The following NTRK3 variants were observed in gnomAD, a reference collection of about 807,000 sequenced individuals.
The protein encoded by NTRK3 is neurotrophic receptor tyrosine kinase 3.
A neutral mutation model predicts 91.7 loss-of-function variants in NTRK3; 24 were observed. That is an observed-to-expected ratio of 0.26 (90% CI 0.19 to 0.37). The LOEUF (loss-of-function observed/expected upper bound fraction) is 0.37, where lower values mean the gene tolerates loss of function less well. NTRK3 is among the 10% of genes least tolerant of loss of function. NTRK3 has a pLI of 1.00. For missense variants in NTRK3, 880 were observed against 1,068.9 expected (o/e 0.82, Z 2.46); for synonymous variants, 483 against 404.0 (o/e 1.20, Z -2.34).
At chr15:88,186,951 CT>C (rs1191866619) in intron 3 of NTRK3, among the ~76,000 whole-genome samples, 1 of 152,144 alleles carries the variant, frequency 6.6e-6, no homozygotes, top group Non-Finnish European at 1.5e-5. Context: ...GTTTTCTCAT[CT>C]ATTAAATGGG....
chr15:87,908,924 C>G (rs983354842), intron 17 of NTRK3, among the ~76,000 whole-genome samples: 9 of 152,026 alleles, frequency 5.9e-5, no homozygotes, highest in African/African-American at 2.2e-4. Context: ...TGGTTCTACT[C>G]CCAGCAGGAG....
intron 13 of NTRK3, among the ~76,000 whole-genome samples, chr15:88,059,087 T>C (rs965909693): frequency 7.3e-5 from 11 of 151,538 alleles, no homozygotes; most frequent in African/African-American, 2.4e-4. Flanking sequence ...CACAGCCCTC[T>C]GGCTACAGCC....
intron 14 of NTRK3, among the ~76,000 whole-genome samples, chr15:87,959,025 C>T (rs932245632): frequency 7.1e-6 from 1 of 140,370 alleles, no homozygotes; most frequent in African/African-American, 2.6e-5. Flanking sequence ...CTCCACTCTA[C>T]CCAATGCCCT....
chr15:88,111,582 C>T (rs931512156), intron 13 of NTRK3, among the ~76,000 whole-genome samples: 1 of 152,066 alleles, frequency 6.6e-6, no homozygotes, highest in African/African-American at 2.4e-5. Context: ...TCTGCAGGTC[C>T]CTGGGATGGG....
exon 19 of NTRK3, chr15:87,860,357 G>C (rs2064491681): frequency 4.6e-6 from 1 of 218,748 alleles, no homozygotes; most frequent in African/African-American, 2.3e-5. Flanking sequence ...TTTCTTTTGA[G>C]GTTGGGGAGA....
At chr15:88,094,330 G>A (rs1039006932) in intron 13 of NTRK3, among the ~76,000 whole-genome samples, 11 of 151,760 alleles carry the variant, frequency 7.2e-5, no homozygotes, top group South Asian at 2.1e-4. Flanking sequence ...TTAGCCGGGC[G>A]CGGTGGCGGG....
At chr15:88,146,879 G>A (rs74508990) in intron 6 of NTRK3, among the ~76,000 whole-genome samples, 1,915 of 152,218 alleles carry the variant, frequency 0.013, 27 homozygotes, top group African/African-American at 0.044. Context: ...TGAGTCTCAC[G>A]TGTCTTTCTA....
At chr15:88,161,396 G>A (rs753257677) in intron 5 of NTRK3, among the ~76,000 whole-genome samples, 8 of 152,140 alleles carry the variant, frequency 5.3e-5, no homozygotes, top group South Asian at 2.1e-4. Context: ...GAGGGGCTAC[G>A]TTACTAGGGC....
At chr15:87,888,634 G>T (rs1280650076) in intron 17 of NTRK3, among the ~76,000 whole-genome samples, 1 of 152,144 alleles carries the variant, frequency 6.6e-6, no homozygotes, top group African/African-American at 2.4e-5. Context: ...TTACTAATTT[G>T]CTTCACACGT....
In NTRK3 at chr15:88,059,556, ACT is replaced by A. The variant is rs2046021556; in HGVS notation, c.1397-26513_1397-26512del. On this transcript the variant is annotated intron_variant, in intron 13 of 18. Transcript: ENST00000394480. ...TATTCCACTCTGTGCACAGCTCCAA[ACT>A]CTCTGGCAAGCACCCCCAGGCACCT... 2.6e-5 allele frequency among the ~76,000 whole-genome samples: 4 copies of A among 151,954 alleles called. No individual in the cohort carries two copies. In the South Asian group the frequency reaches 8.3e-4, roughly 32 times the overall value.
In NTRK3 at chr15:87,868,191, G is replaced by A. The variant is rs541761098; in HGVS notation, c.*8744C>T. 9.1e-5 allele frequency: 21 copies of A among 230,926 alleles called. No individual in the cohort carries two copies. The East Asian group carries it at 1.2e-3, about 14-fold the overall frequency. The allele number at this position is 230,926 out of a possible 1,614,324, so 14.3% of individuals were successfully genotyped here. ...TGTGTGTGCGCATATATGTACACAC[G>A]AATAAGTATCATAACATAAATAATT... On this transcript the variant is annotated 3_prime_UTR_variant, in exon 19 of 19. Coordinates refer to ENST00000394480, the Ensembl canonical transcript of NTRK3.
At chr15:88,130,905 A>C (rs557064854) in intron 10 of NTRK3, among the ~76,000 whole-genome samples, 2 of 132,060 alleles carry the variant, frequency 1.5e-5, no homozygotes, top group South Asian at 4.9e-4. Context: ...CAATGTTAAC[A>C]ACCTGGTTTC....
intron 5 of NTRK3, among the ~76,000 whole-genome samples, chr15:88,168,997 A>T (rs1006376455): frequency 6.6e-6 from 1 of 152,240 alleles, no homozygotes; most frequent in Non-Finnish European, 1.5e-5. Context: ...GGCTGCATGA[A>T]AATATTCCAA....
intron 14 of NTRK3, chr15:87,978,531 A>G (rs1360764316): frequency 1.7e-5 from 4 of 228,618 alleles, no homozygotes; most frequent in Non-Finnish European, 3.5e-5. Flanking sequence ...TCCTAGTAGG[A>G]TGGCCAGTTC....
chr15:88,149,773 C>G (rs1393669822), intron 5 of NTRK3, among the ~76,000 whole-genome samples: 1 of 152,210 alleles, frequency 6.6e-6, no homozygotes, highest in African/African-American at 2.4e-5. Flanking sequence ...ACCAGGAGTT[C>G]GAACTTGGGG....
At chr15:87,936,954 C>G (rs2141989225) in intron 15 of NTRK3, among the ~76,000 whole-genome samples, 1 of 152,208 alleles carries the variant, frequency 6.6e-6, no homozygotes, top group Non-Finnish European at 1.5e-5. Flanking sequence ...CCCCATCTCT[C>G]TTTGCGTCCT....
chr15:88,119,299 T>A lies in NTRK3; in HGVS notation c.1396+6972A>T, dbSNP rs577441387. Among the ~76,000 whole-genome samples the A allele has an allele frequency of 3.5e-4, 53 of 152,306 alleles. 1 individual carries two copies. The highest frequency in any genetic ancestry group is 1.2e-3 in the African/African-American group (51 of 41,566). On this transcript the variant is annotated intron_variant, in intron 13 of 18. Coordinates refer to ENST00000394480, the Ensembl canonical transcript of NTRK3. ...AGTCATCAAGTGGGGTGGGCCTTTG[T>A]CTGCAGTCAGAGCCTCCCATTGAAG...
intron 3 of NTRK3, among the ~76,000 whole-genome samples, chr15:88,213,057 G>A (rs2049401015): frequency 6.6e-6 from 1 of 152,238 alleles, no homozygotes; most frequent in South Asian, 2.1e-4. Context: ...TTAAGCCATA[G>A]TAAAAATGTG....
intron 13 of NTRK3, among the ~76,000 whole-genome samples, chr15:88,106,046 T>C (rs1486521119): frequency 6.6e-6 from 1 of 152,256 alleles, no homozygotes; most frequent in Non-Finnish European, 1.5e-5. Flanking sequence ...TAGGTGTGTA[T>C]GTGTGCGTAT....
Sources: allele counts gnomAD v4.1 joint callset (sites outside exome capture counted in the v4.1 genomes callset), GRCh38; gene constraint gnomAD v4.1.1; transcripts MANE v1.5; gene names NCBI Gene and HGNC (gene_info 2026-07-23, HGNC 2026-07-21).